SLC25A48: variants seen among roughly 807,000 people sequenced by gnomAD.
SLC25A48 encodes solute carrier family 25 member 48.
SLC25A48 carries 29 observed loss-of-function variants against 32.2 expected under a neutral mutation model. The ratio of observed to expected loss-of-function variants is 0.90; its 90% CI spans 0.67 to 1.23. SLC25A48 has a LOEUF of 1.23. Ranked by LOEUF, SLC25A48 falls within the 50% of genes most tolerant of loss-of-function variation. The pLI is 0.00. For missense variants in SLC25A48, 399 were observed against 422.7 expected (o/e 0.94, Z 0.49); for synonymous variants, 164 against 172.3 (o/e 0.95, Z 0.38).
intron 4 of SLC25A48, among the ~76,000 whole-genome samples, chr5:135,820,500 A>T (rs1228550545): frequency 6.6e-6 from 1 of 152,250 alleles, no homozygotes; most frequent in Non-Finnish European, 1.5e-5. Context: ...TACGGTGTAT[A>T]TAAATTAGAC....
upstream of SLC25A48, among the ~76,000 whole-genome samples, chr5:135,829,971 A>G (rs1758160532): frequency 6.6e-6 from 1 of 151,656 alleles, no homozygotes; most frequent in Non-Finnish European, 1.5e-5. Flanking sequence ...GAGGTGGAAG[A>G]AAGCCTGGGA....
At chr5:135,881,974 C>T (rs1055406160) in intron 7 of SLC25A48, among the ~76,000 whole-genome samples, 2 of 152,228 alleles carry the variant, frequency 1.3e-5, no homozygotes, top group East Asian at 3.8e-4. Flanking sequence ...CCTGCCCAAC[C>T]TGTCGTACCT....
chr5:135,688,194 C>T (rs1754062361), intron 3 of SLC25A48, among the ~76,000 whole-genome samples: 2 of 152,212 alleles, frequency 1.3e-5, no homozygotes, highest in Non-Finnish European at 2.9e-5. Flanking sequence ...CAAGTCATAG[C>T]CTGTCAGGAG....
chr5:135,806,797 C>A (rs1757473542), intron 3 of SLC25A48, among the ~76,000 whole-genome samples: 1 of 149,044 alleles, frequency 6.7e-6, no homozygotes, highest in Non-Finnish European at 1.5e-5. Flanking sequence ...TTATAAATAT[C>A]ATTATATTTT....
intron 1 of SLC25A48, among the ~76,000 whole-genome samples, chr5:135,622,809 C>G (rs529789661): frequency 8.5e-5 from 13 of 152,144 alleles, no homozygotes; most frequent in African/African-American, 3.1e-4. Context: ...ATGAGACTGG[C>G]CAAGAGATTC....
At chr5:135,842,508 G>T in intron 2 of SLC25A48, 49 bp downstream of exon 2, 1 of 1,540,334 alleles carries the variant, frequency 6.5e-7, no homozygotes, top group South Asian at 1.1e-5. Flanking sequence ...GCATGGAGCT[G>T]ACCTGCCTCT....
intron 3 of SLC25A48, among the ~76,000 whole-genome samples, chr5:135,766,217 A>G (rs1254515819): frequency 2.6e-5 from 4 of 151,652 alleles, no homozygotes; most frequent in African/African-American, 9.7e-5. Flanking sequence ...GAAGAGGGTG[A>G]TATTACTCCC....
At chr5:135,771,100 G>GT (rs1756397296) in intron 3 of SLC25A48, among the ~76,000 whole-genome samples, 1 of 151,586 alleles carries the variant, frequency 6.6e-6, no homozygotes, top group Admixed American at 6.6e-5. Flanking sequence ...TATCGTGGGG[G>GT]TGTACACCCC....
At chr5:135,718,075 TCGGTTCA>T (rs1754850488) in intron 3 of SLC25A48, among the ~76,000 whole-genome samples, 1 of 152,130 alleles carries the variant, frequency 6.6e-6, no homozygotes, top group Admixed American at 6.5e-5. Flanking sequence ...CGGCATGATC[TCGGTTCA>T]CTGCAACCTC....
chr5:135,842,436 G>A lies in SLC25A48; in HGVS notation c.67G>A (p.Gly23Ser), dbSNP rs767907746. 10 of 1,613,666 alleles carry A rather than the reference G, an allele frequency of 6.2e-6. No individual in the cohort carries two copies. Among genetic ancestry groups the A allele is most frequent in the African/African-American group, 2.7e-5 (2 of 74,882 alleles). ...CACAGGTGCAGCCAGTGTCATCGTT[G>A]GCCACCCTCTGGACACAGTCAAGGT... is the stretch of plus-strand genomic sequence containing the variant. ...WIGGAASVIV[G>S]HPLDTVKTRL... Residue 23 changes from glycine (G) to serine (S), a missense_variant, in exon 2 of 8, where the codon GGC (glycine) becomes AGC (serine). Transcript: ENST00000681962.
At chr5:135,886,637 A>ATAT (rs55911526) in intron 7 of SLC25A48, among the ~76,000 whole-genome samples, 712 of 38,370 alleles carry the variant, frequency 0.019, 79 homozygotes, top group Non-Finnish European at 0.022. Context: ...ATATATATAT[A>ATAT]AAATATATAT....
intron 4 of SLC25A48, among the ~76,000 whole-genome samples, chr5:135,825,465 T>A (rs998584126): frequency 2.6e-5 from 4 of 152,082 alleles, no homozygotes; most frequent in African/African-American, 9.7e-5. Flanking sequence ...GACACACCCC[T>A]CCCAGCAGGG....
At chr5:135,709,351 T>G (rs1174235458) in intron 3 of SLC25A48, among the ~76,000 whole-genome samples, 3 of 152,186 alleles carry the variant, frequency 2.0e-5, no homozygotes, top group African/African-American at 7.2e-5. Flanking sequence ...CTGGCCAGAT[T>G]CCCCCTGAAT....
In SLC25A48 at chr5:135,655,241, A is replaced by G. The variant is rs570956133; in HGVS notation, c.-521+20285A>G. 7.2e-5 allele frequency among the ~76,000 whole-genome samples: 11 copies of G among 152,258 alleles called. No homozygotes were observed. The South Asian group carries it at 1.9e-3, about 26-fold the overall frequency. Reference sequence around the variant, plus strand: ...CTAAGAGTGCTTGCTGCAGGTGAGAACTTACATTGGCTGTTCTGAGGGGCC... The same window carrying G: ...CTAAGAGTGCTTGCTGCAGGTGAGAGCTTACATTGGCTGTTCTGAGGGGCC... On this transcript the variant is annotated intron_variant, in intron 3 of 10. Transcript: ENST00000646290.
At chr5:135,884,998 C>T (rs996330148) in intron 7 of SLC25A48, among the ~76,000 whole-genome samples, 3 of 152,134 alleles carry the variant, frequency 2.0e-5, no homozygotes, top group African/African-American at 7.2e-5. Flanking sequence ...CATACCTGAG[C>T]CCCAGCTCAG....
chr5:135,635,619 A>T (rs1014953055), intron 3 of SLC25A48, among the ~76,000 whole-genome samples: 33 of 152,352 alleles, frequency 2.2e-4, no homozygotes, highest in African/African-American at 5.3e-4. Context: ...GTAAATGTTT[A>T]ACAAGTGGCT....
At chr5:135,666,920 C>T (rs1753537664) in intron 3 of SLC25A48, among the ~76,000 whole-genome samples, 1 of 152,096 alleles carries the variant, frequency 6.6e-6, no homozygotes, top group South Asian at 2.1e-4. Context: ...TAAGGTTTAC[C>T]ATGAACAGAT....
At chr5:135,663,712 G>A (rs1419553918) in intron 3 of SLC25A48, among the ~76,000 whole-genome samples, 1 of 152,176 alleles carries the variant, frequency 6.6e-6, no homozygotes, top group Admixed American at 6.5e-5. Context: ...CTTGTGTGGA[G>A]TTTAAAATGT....
Position 135,674,551 on chromosome 5 carries a change from C to CT in SLC25A48, c.-521+39603dup, listed in dbSNP as rs765906094. Among the ~76,000 whole-genome samples, 41 of 151,106 alleles carry CT rather than the reference C, an allele frequency of 2.7e-4. No homozygotes were observed. In the East Asian group the frequency reaches 4.8e-3, roughly 18 times the overall value. On this transcript the variant is annotated intron_variant, in intron 3 of 10. Transcript: ENST00000646290. ...ACATGTGATGATTGTCTTTCTGTGC[C>CT]TTTTTTTTCTGTGTCTTTTTTTCTT...
Sources: allele counts gnomAD v4.1 joint callset (sites outside exome capture counted in the v4.1 genomes callset), GRCh38; gene constraint gnomAD v4.1.1; transcripts MANE v1.5; gene names NCBI Gene and HGNC (gene_info 2026-07-23, HGNC 2026-07-21).